Variants in SETX observed in about 807,000 individuals in gnomAD.
SETX encodes the protein senataxin, also known as helicase senataxin.
SETX carries 90 observed loss-of-function variants against 227.2 expected under a neutral mutation model. The ratio of observed to expected loss-of-function variants is 0.40; its 90% CI spans 0.33 to 0.47. The LOEUF (loss-of-function observed/expected upper bound fraction) is 0.47. Among genes scored for constraint, SETX ranks in the 20% least tolerant of loss-of-function variants. The pLI, the probability that SETX is intolerant of heterozygous loss-of-function variation, is 0.91. For missense variants in SETX, 3,052 were observed against 3,181.5 expected (o/e 0.96, Z 0.98); for synonymous variants, 1,210 against 1,113.2 (o/e 1.09, Z -1.73).
At chr9:132,348,761 AC>A (rs1224000712) in intron 3 of SETX, among the ~76,000 whole-genome samples, 1 of 151,848 alleles carries the variant, frequency 6.6e-6, no homozygotes, top group Admixed American at 6.6e-5. Context: ...CCTCGTCTCT[AC>A]AAAAAAATTT....
intron 10 of SETX, among the ~76,000 whole-genome samples, chr9:132,317,632 C>CTTT (rs528921561): frequency 0.039 from 5,587 of 144,960 alleles, 357 homozygotes; most frequent in African/African-American, 0.13. Context: ...TATCATTTTC[C>CTTT]TTTTTTTTTT....
chr9:132,268,500 C>T (rs541352425), intron 25 of SETX, among the ~76,000 whole-genome samples: 1 of 152,152 alleles, frequency 6.6e-6, no homozygotes, highest in African/African-American at 2.4e-5. Context: ...TTTAAACTTT[C>T]AAGTTATACA....
chr9:132,269,846 GT>G, intron 24 of SETX, 144 bp from the exon 25 acceptor site: 1 of 802,738 alleles, frequency 1.2e-6, no homozygotes, highest in Non-Finnish European at 2.1e-6. Context: ...CGAGACACAG[GT>G]GGACTCTAGA....
intron 4 of SETX, among the ~76,000 whole-genome samples, chr9:132,344,366 A>C (rs1848170229): frequency 6.6e-6 from 1 of 152,126 alleles, no homozygotes; most frequent in Admixed American, 6.5e-5. Flanking sequence ...GGCACATGCC[A>C]CTATATCCAG....
chr9:132,284,941 C>T (rs201240792), intron 18 of SETX, among the ~76,000 whole-genome samples: 7 of 150,666 alleles, frequency 4.6e-5, no homozygotes, highest in South Asian at 2.1e-4. Context: ...TGCAGTGGCG[C>T]GATCTCCACT....
chr9:132,269,396 T>C, intron 25 of SETX: 1 of 1,538,768 alleles, frequency 6.5e-7, no homozygotes, highest in East Asian at 2.6e-5. Flanking sequence ...TGTTTTAAAA[T>C]GGTCACCTTG....
intron 1 of SETX, among the ~76,000 whole-genome samples, chr9:132,354,406 G>A (rs1214140998): frequency 2.0e-5 from 3 of 150,650 alleles, no homozygotes; most frequent in South Asian, 4.2e-4. Context: ...TGAGGCGGAA[G>A]GATCGCTGGA....
Position 132,342,697 on chromosome 9 carries a change from T to C in SETX, c.491A>G (p.Asn164Ser), listed in dbSNP as rs372219695. The C allele has an allele frequency of 3.1e-6, 5 of 1,608,370 alleles. No individual in the cohort carries two copies. The highest frequency in any genetic ancestry group is 4.5e-5 in the East Asian group (2 of 44,862). The change falls in exon 5 of 26, where the codon AAT becomes AGT. Residue 164 changes from asparagine to serine, a missense_variant. Around this residue, in one of 10 missense-constraint regions of SETX, gnomAD observed 239 missense variants for 240.8 expected, o/e 0.99. Coordinates refer to ENST00000224140, the MANE Select transcript of SETX (RefSeq NM_015046.7). ...PGIYLFLVHPNEMVRRWAILT... is the reference protein window; with the variant it reads ...PGIYLFLVHPSEMVRRWAILT... ...CCCAACACTCACACTCACCATTTCA[T>C]TGGGATGGACTAAAAACAAATAGAT...
intron 11 of SETX, among the ~76,000 whole-genome samples, chr9:132,301,440 C>T (rs557374480): frequency 6.6e-6 from 1 of 151,956 alleles, no homozygotes; most frequent in African/African-American, 2.4e-5. Flanking sequence ...TCAAAACCCC[C>T]GAAGAAAATT....
chr9:132,274,462 G>A (rs983393919), intron 23 of SETX, among the ~76,000 whole-genome samples: 4 of 141,058 alleles, frequency 2.8e-5, no homozygotes, highest in Non-Finnish European at 6.1e-5. Flanking sequence ...TTTTTGAGAT[G>A]GAGTCTCGCT....
At chr9:132,321,337 T>C (rs898993125) in intron 10 of SETX, among the ~76,000 whole-genome samples, 2 of 151,316 alleles carry the variant, frequency 1.3e-5, no homozygotes, top group African/African-American at 4.9e-5. Context: ...CTGACCAATA[T>C]GGCAAAACCC....
intron 15 of SETX, among the ~76,000 whole-genome samples, chr9:132,294,869 C>G (rs1291755202): frequency 1.3e-5 from 2 of 152,148 alleles, no homozygotes; most frequent in Non-Finnish European, 2.9e-5. Flanking sequence ...ACTCTGGTAC[C>G]AGTTCTGAAC....
intron 5 of SETX, 36 bp from the exon 6 acceptor site, chr9:132,336,551 A>C: frequency 7.0e-7 from 1 of 1,425,250 alleles, no homozygotes; most frequent in Non-Finnish European, 9.9e-7. Flanking sequence ...TAATTCAATA[A>C]ACAATGGTCT....
intron 10 of SETX, among the ~76,000 whole-genome samples, chr9:132,324,937 T>C (rs2131415422): frequency 6.6e-6 from 1 of 152,302 alleles, no homozygotes; most frequent in Non-Finnish European, 1.5e-5. Flanking sequence ...TTATTTGATG[T>C]TTTTCTCAAA....
intron 15 of SETX, among the ~76,000 whole-genome samples, chr9:132,293,749 G>A (rs111786838): frequency 0.012 from 1,859 of 152,194 alleles, 27 homozygotes; most frequent in African/African-American, 0.029. Context: ...AAGGCTGGAC[G>A]TGGTGGCTCA....
At chr9:132,323,969 T>C (rs138784628) in intron 10 of SETX, among the ~76,000 whole-genome samples, 38 of 151,138 alleles carry the variant, frequency 2.5e-4, no homozygotes, top group Non-Finnish European at 3.5e-4. Context: ...GAATAGAAAA[T>C]AGTTACTTGA....
chr9:132,335,592 C>T (rs529818171), intron 6 of SETX, among the ~76,000 whole-genome samples: 1 of 151,894 alleles, frequency 6.6e-6, no homozygotes, highest in South Asian at 2.1e-4. Flanking sequence ...TTCCTCCTGC[C>T]TCAGCCTCCC....
chr9:132,318,439 A>C lies in SETX; in HGVS notation c.5275-6583T>G, dbSNP rs112308788. Among the ~76,000 whole-genome samples the C allele has an allele frequency of 1.6e-3, 249 of 152,328 alleles. 1 individual carries two copies. The highest frequency in any genetic ancestry group is 5.6e-3 in the African/African-American group (231 of 41,566). ...CATACTCCCCAGGGAGACCAGGCAC[A>C]TCAGCTACAAAGGAACACTGCAGGA... On this transcript the variant is annotated intron_variant, in intron 10 of 25. Coordinates refer to ENST00000224140, the MANE Select transcript of SETX (RefSeq NM_015046.7).
chr9:132,281,596 G>C lies in SETX; in HGVS notation c.6547-22C>G, dbSNP rs760781204. Reference sequence around the variant, plus strand: ...CAGCCTTGGTAAGATACAGAAGAGAGAGGCAGTCTTAACAATCTTTGCTAT... The same window carrying C: ...CAGCCTTGGTAAGATACAGAAGAGACAGGCAGTCTTAACAATCTTTGCTAT... On this transcript the variant is annotated intron_variant, in intron 19 of 25. Coordinates refer to ENST00000224140, the MANE Select transcript of SETX (RefSeq NM_015046.7). 1.7e-5 allele frequency: 26 copies of C among 1,512,658 alleles called. No individual in the cohort carries two copies. In the Admixed American group the frequency reaches 4.2e-4, roughly 24 times the overall value. 93.7% of individuals were successfully genotyped at this position (1,512,658 alleles called of 1,614,324 possible). A position where few individuals can be genotyped will look rare whatever the true frequency, so the allele number is the denominator to read the frequency against.
Sources: allele counts gnomAD v4.1 joint callset (sites outside exome capture counted in the v4.1 genomes callset), GRCh38; gene constraint gnomAD v4.1.1; regional missense constraint gnomAD v4.1.1; transcripts MANE v1.5; gene names NCBI Gene and HGNC (gene_info 2026-07-23, HGNC 2026-07-21).